The following UVRAG variants were observed in gnomAD, a reference collection of about 807,000 sequenced individuals.
The protein encoded by UVRAG is UV radiation resistance associated, also known as UV radiation resistance-associated gene protein.
A neutral mutation model predicts 78.0 loss-of-function variants in UVRAG; 19 were observed. That is an observed-to-expected ratio of 0.24 (90% CI 0.17 to 0.36). The LOEUF is 0.36. Ranked by LOEUF, UVRAG falls within the 10% of genes least tolerant of loss-of-function variation. UVRAG has a pLI of 1.00. For missense variants in UVRAG, 740 were observed against 853.8 expected (o/e 0.87, Z 1.66); for synonymous variants, 323 against 324.6 (o/e 1.00, Z 0.05).
chr11:75,921,805 C>T (rs940408180), intron 6 of UVRAG, among the ~76,000 whole-genome samples: 3 of 151,896 alleles, frequency 2.0e-5, no homozygotes, highest in African/African-American at 7.2e-5. Context: ...CAGCACCTTT[C>T]TTTTCCCACT....
At chr11:75,956,461 C>T (rs984310535) in intron 6 of UVRAG, among the ~76,000 whole-genome samples, 2 of 150,504 alleles carry the variant, frequency 1.3e-5, no homozygotes, top group Non-Finnish European at 2.9e-5. Flanking sequence ...TCTCAGCTCA[C>T]TGCAACTTCT....
chr11:76,106,396 C>T (rs557483463), intron 13 of UVRAG, among the ~76,000 whole-genome samples: 41 of 151,968 alleles, frequency 2.7e-4, no homozygotes, highest in Admixed American at 1.8e-3. Flanking sequence ...GATGGAATCC[C>T]GCTCTGTTGC....
intron 3 of UVRAG, 64 bp from the exon 4 acceptor site, chr11:75,879,815 C>T: frequency 1.3e-6 from 2 of 1,554,170 alleles, no homozygotes; most frequent in Non-Finnish European, 1.7e-6. Context: ...TGATTTGTCA[C>T]CTAATTGAAA....
At chr11:76,069,019 T>G (rs1170772295) in intron 13 of UVRAG, among the ~76,000 whole-genome samples, 1 of 152,226 alleles carries the variant, frequency 6.6e-6, no homozygotes, top group Non-Finnish European at 1.5e-5. Context: ...AGGAGTGAAG[T>G]CATTTAATAC....
At chr11:76,042,940 T>C (rs1950678006) in intron 12 of UVRAG, among the ~76,000 whole-genome samples, 1 of 152,184 alleles carries the variant, frequency 6.6e-6, no homozygotes, top group Non-Finnish European at 1.5e-5. Context: ...AGTGGAAAGA[T>C]GGGAAGACCT....
At chr11:75,983,594 C>A in intron 8 of UVRAG, 81 bp downstream of exon 8, 1 of 1,456,238 alleles carries the variant, frequency 6.9e-7, no homozygotes, top group South Asian at 1.5e-5. Context: ...CTCAAATAGT[C>A]ATTTTTTGTG....
intron 6 of UVRAG, among the ~76,000 whole-genome samples, chr11:75,919,851 G>A (rs1014264409): frequency 1.3e-5 from 2 of 152,016 alleles, no homozygotes; most frequent in African/African-American, 4.8e-5. Context: ...AGAAAGGTCT[G>A]CCAGGCTCCA....
chr11:75,821,468 G>T (rs946114661), intron 1 of UVRAG, among the ~76,000 whole-genome samples: 1 of 152,010 alleles, frequency 6.6e-6, no homozygotes, highest in African/African-American at 2.4e-5. Context: ...CAGCACCCCC[G>T]CAAGTAGCTG....
intron 13 of UVRAG, among the ~76,000 whole-genome samples, chr11:76,093,556 C>T (rs1160959721): frequency 6.6e-6 from 1 of 152,100 alleles, no homozygotes; most frequent in East Asian, 1.9e-4. Context: ...TGTAGTTCTC[C>T]TTGAAGAGGT....
chr11:75,977,275 GGCTTTACTTC>G, intron 7 of UVRAG, among the ~76,000 whole-genome samples: 3 of 152,076 alleles, frequency 2.0e-5, no homozygotes, highest in African/African-American at 7.2e-5. Context: ...TGCCGAGGAG[GGCTTTACTTC>G]CAACTATGTG....
chr11:76,045,012 G>A (rs781184369), intron 12 of UVRAG, among the ~76,000 whole-genome samples: 1 of 152,124 alleles, frequency 6.6e-6, no homozygotes, highest in African/African-American at 2.4e-5. Context: ...AGAATTGGAG[G>A]CCAGGAGTCT....
intron 12 of UVRAG, among the ~76,000 whole-genome samples, chr11:76,060,777 C>T (rs984612096): frequency 3.9e-5 from 6 of 152,346 alleles, no homozygotes; most frequent in East Asian, 1.9e-4. Flanking sequence ...CTCGATTTCT[C>T]GCCAGGCCTC....
At chr11:76,137,232 G>T (rs1565176000) in intron 14 of UVRAG, 3 of 428,726 alleles carry the variant, frequency 7.0e-6, no homozygotes, top group East Asian at 7.1e-5. Flanking sequence ...CTAAGAAAGG[G>T]TATAGTGGCC....
At chr11:75,971,540 A>G (rs977326609) in intron 7 of UVRAG, among the ~76,000 whole-genome samples, 2 of 152,186 alleles carry the variant, frequency 1.3e-5, no homozygotes, top group Admixed American at 1.3e-4. Flanking sequence ...TCTAATGGGT[A>G]TGTAGTCGTA....
At chr11:75,993,561 C>T (rs544264772) in intron 8 of UVRAG, among the ~76,000 whole-genome samples, 6 of 152,150 alleles carry the variant, frequency 3.9e-5, no homozygotes, top group Admixed American at 6.5e-5. Flanking sequence ...GTTGCTTTAC[C>T]GGGTCTTTTG....
intron 13 of UVRAG, among the ~76,000 whole-genome samples, chr11:76,099,895 C>T (rs922198141): frequency 2.0e-5 from 3 of 151,950 alleles, no homozygotes; most frequent in Non-Finnish European, 4.4e-5. Flanking sequence ...TAAAAATGAT[C>T]ATTTGCCTCT....
intron 1 of UVRAG, among the ~76,000 whole-genome samples, chr11:75,831,249 G>T (rs1945647804): frequency 6.6e-6 from 1 of 152,154 alleles, no homozygotes; most frequent in Admixed American, 6.5e-5. Flanking sequence ...AGCACTTTGG[G>T]AGGCTGAGGC....
At chr11:75,837,533 G>C (rs994545218) in intron 1 of UVRAG, 1 of 151,850 alleles carries the variant, frequency 6.6e-6, no homozygotes, top group African/African-American at 2.4e-5. Flanking sequence ...GTTTTGTTTT[G>C]GTTTGTTTTT....
chr11:76,003,920 A>T (rs1949871926), intron 8 of UVRAG, 85 bp from the exon 9 acceptor site: 6 of 1,217,910 alleles, frequency 4.9e-6, no homozygotes, highest in Non-Finnish European at 7.2e-6. Context: ...TCCCTCTCAC[A>T]GTCAGGGATT....
Sources: gnomAD v4.1 joint callset for allele counts (sites outside exome capture counted in the v4.1 genomes callset) on GRCh38, gnomAD v4.1.1 for gene constraint, MANE v1.5 for transcripts, NCBI Gene and HGNC (gene_info 2026-07-23, HGNC 2026-07-21) for gene names.